PRKD2: variants seen among roughly 807,000 people sequenced by gnomAD.
PRKD2 encodes serine/threonine-protein kinase D2.
PRKD2 carries 22 observed loss-of-function variants against 86.0 expected under a neutral mutation model. The ratio of observed to expected loss-of-function variants is 0.26; its 90% CI spans 0.18 to 0.37. The LOEUF is 0.37. Among genes scored for constraint, PRKD2 ranks in the 10% least tolerant of loss-of-function variants. The pLI is 1.00. For missense variants in PRKD2, 818 were observed against 1,199.2 expected, an observed-to-expected ratio of 0.68 and a Z score of 4.70; for synonymous variants, 509 against 510.9, an observed-to-expected ratio of 1.00 and a Z score of 0.05.
At chr19:46,696,451 A>G (rs2122699546) in intron 9 of PRKD2, among the ~76,000 whole-genome samples, 1 of 152,216 alleles carries the variant, frequency 6.6e-6, no homozygotes, top group South Asian at 2.1e-4. Context: ...CACACAATGC[A>G]ATACATTAAT....
At chr19:46,715,984 G>A in intron 1 of PRKD2, 147 bp downstream of exon 1, 1 of 1,311,732 alleles carries the variant, frequency 7.6e-7, no homozygotes, top group Non-Finnish European at 1.0e-6. Flanking sequence ...GAGGGGCAAT[G>A]GAGGGGGGCA....
chr19:46,705,875 G>T (rs1027606700), intron 3 of PRKD2, among the ~76,000 whole-genome samples: 2 of 151,390 alleles, frequency 1.3e-5, no homozygotes, highest in Non-Finnish European at 2.9e-5. Context: ...ATTTTATTTT[G>T]TAGAGACAGG....
intron 3 of PRKD2, among the ~76,000 whole-genome samples, chr19:46,709,045 C>T (rs574877557): frequency 8.2e-5 from 12 of 146,700 alleles, no homozygotes; most frequent in South Asian, 4.4e-4. Context: ...GGCACGATCT[C>T]GGCTCACTGC....
At position 46,678,807 on chromosome 19, in the gene PRKD2, C is replaced by T. The variant is rs746289923; in HGVS notation, c.2071-144G>A. 57 of 991,300 alleles carry T rather than the reference C, an allele frequency of 5.8e-5. No homozygotes were observed. The highest frequency in any genetic ancestry group is 6.7e-5 in the Non-Finnish European group (46 of 691,596). The allele number at this position is 991,300 out of a possible 1,614,324, so 61.4% of individuals were successfully genotyped here. A position where few individuals can be genotyped will look rare whatever the true frequency, so the allele number is the denominator to read the frequency against. On this transcript the variant is annotated intron_variant, in intron 15 of 17. Transcript: ENST00000291281. The surrounding 1 kb of genome is among the most constrained non-coding windows in gnomAD (Gnocchi z 5.7). ...GCTCCTTGGCTCACTAGCTGAGCAA[C>T]CCTGGGCAGGTGACTTCCCCCCTCT...
At position 46,710,953 on chromosome 19, in the gene PRKD2, G is replaced by A. The variant is rs1400562896; in HGVS notation, c.465C>T (p.Cys155=). 2.6e-6 allele frequency: 4 copies of A among 1,515,456 alleles called. No homozygotes were observed. Among genetic ancestry groups the A allele is most frequent in the South Asian group, 1.2e-5 (1 of 85,052 alleles). 93.9% of individuals were successfully genotyped at this position (1,515,456 alleles called of 1,614,324 possible). Residue 155 remains cysteine (C), a synonymous_variant, in exon 3 of 18, where the codon TGC becomes TGT. Transcript: ENST00000291281. ...SYRAPAFCDH[C]GEMLFGLVRQ... The stretch of plus-strand genomic sequence containing the variant: ...GCACTAGGCCGAAGAGCATCTCCCC[G>A]CAGTGATCACAGAAGGCAGGCGCCC...
At chr19:46,697,600 G>C in intron 8 of PRKD2, 133 bp downstream of exon 8, 1 of 765,778 alleles carries the variant, frequency 1.3e-6, no homozygotes, top group Non-Finnish European at 2.1e-6. Context: ...CCCGCCTCCA[G>C]CACGGCCCAG....
In PRKD2 at chr19:46,699,213, C is replaced by T. The variant is rs564370181; in HGVS notation, c.1122-1363G>A. 3.3e-5 allele frequency among the ~76,000 whole-genome samples: 5 copies of T among 152,270 alleles called. 1 individual carries two copies. The South Asian group carries it at 1.0e-3, about 32-fold the overall frequency. ...GGAAGCCTTTTCCCCCAGAGCCCCA[C>T]AAGGCTCCTTCCCTCCCCTCCCTTC... On this transcript the variant is annotated intron_variant, in intron 7 of 17. Transcript: ENST00000291281.
chr19:46,684,660 A>G (rs1568717457), intron 14 of PRKD2, among the ~76,000 whole-genome samples: 1 of 152,110 alleles, frequency 6.6e-6, no homozygotes, highest in African/African-American at 2.4e-5. Context: ...CTCCCAGTTC[A>G]TGTGAACAAA....
rs60631103 is a variant in PRKD2, at chr19:46,688,448, T to TATTATTA, written c.1971+1088_1971+1089insTAATAAT. On this transcript the variant is annotated intron_variant, in intron 14 of 17. Transcript: ENST00000291281. ...TATTATTATTATTATTATTATTTTTTTTTTTGAGACGAAGTTTCACTCTTG... is the reference window on the plus strand; with the variant it reads ...TATTATTATTATTATTATTATTTTTTATTATTATTTTTGAGACGAAGTTTCACTCTTG... 6.3e-4 allele frequency among the ~76,000 whole-genome samples: 95 copies of TATTATTA among 150,724 alleles called. 2 individuals carry two copies. The highest frequency in any genetic ancestry group is 1.7e-3 in the African/African-American group (71 of 41,054).
intron 5 of PRKD2, among the ~76,000 whole-genome samples, 176 bp downstream of exon 5, chr19:46,703,993 A>ACACACACACACAC (rs1568732338): frequency 3.8e-4 from 57 of 149,488 alleles, no homozygotes; most frequent in South Asian, 1.1e-3. Context: ...ACACACACAC[A>ACACACACACACAC]ACTGAGGTTC....
chr19:46,701,411 A>C (rs1264604621), intron 5 of PRKD2, among the ~76,000 whole-genome samples: 3 of 151,876 alleles, frequency 2.0e-5, no homozygotes, highest in Non-Finnish European at 4.4e-5. Context: ...ATTTGAGGTC[A>C]GGAGTTCGAA....
In PRKD2 at chr19:46,703,755, G is replaced by A. The variant is rs187053904; in HGVS notation, c.889+414C>T. Among the ~76,000 whole-genome samples, 1,036 of 149,956 alleles carry A rather than the reference G, an allele frequency of 6.9e-3. 5 individuals are homozygous for A. Among genetic ancestry groups the A allele is most frequent in the Non-Finnish European group, 9.3e-3 (627 of 67,508 alleles). On this transcript the variant is annotated intron_variant, in intron 5 of 17. Coordinates refer to ENST00000291281, the MANE Select transcript of PRKD2 (RefSeq NM_016457.5). ...CCACTGCACTCCAGCCTGGGCGACA[G>A]AGTGAGACTCCGTCTCAAAAAAAAA...
intron 1 of PRKD2, chr19:46,714,330 C>T (rs62134788): frequency 0.22 from 238,806 of 1,084,534 alleles, 28,105 homozygotes; most frequent in Non-Finnish European, 0.24. Flanking sequence ...TGAACACTCC[C>T]TCCCCTGTGC....
chr19:46,702,141 C>T (rs557699639), intron 5 of PRKD2, among the ~76,000 whole-genome samples: 90 of 151,148 alleles, frequency 6.0e-4, no homozygotes, highest in Non-Finnish European at 1.1e-3. Context: ...CAGGCTCAAG[C>T]GATCTTCCCA....
intron 14 of PRKD2, among the ~76,000 whole-genome samples, chr19:46,688,421 T>TTTA (rs1272700570): frequency 4.0e-5 from 6 of 148,300 alleles, no homozygotes; most frequent in South Asian, 2.1e-4. Flanking sequence ...ATGATTACTC[T>TTTA]TTATTATTAT....
Position 46,701,119 on chromosome 19 carries a change from G to A in PRKD2, c.890-7C>T, listed in dbSNP as rs760235878. The stretch of plus-strand genomic sequence containing the variant: ...TGACAGTTAAACTTGCAGTCTGGTA[G>A]GACAGGGAACAAGGGAACGGGTGAG... On this transcript the variant is annotated splice_polypyrimidine_tract_variant and splice_region_variant and intron_variant, in intron 5 of 17. Coordinates refer to ENST00000291281, the MANE Select transcript of PRKD2 (RefSeq NM_016457.5). The A allele has an allele frequency of 6.2e-7, 1 of 1,613,866 alleles. No homozygotes were observed. The highest frequency in any genetic ancestry group is 2.2e-5 in the East Asian group (1 of 44,862).
rs150879573 is a variant in PRKD2, at chr19:46,704,377, G to A, written c.681C>T (p.Thr227=). The A allele has an allele frequency of 7.8e-5, 126 of 1,614,014 alleles. No individual in the cohort carries two copies. The highest frequency in any genetic ancestry group is 1.0e-4 in the Non-Finnish European group (122 of 1,180,014). Residue 227 remains threonine (T), a synonymous_variant, in exon 5 of 18, where the codon ACC becomes ACT. Transcript: ENST00000291281. ...ACGGGGGACGGCGAGGCAGGAGTTC[G>A]GTGGTGCTACGGCTCTGTCGTTGGC... The part of the protein sequence containing the change: ...CTAEELSRST[T]ELLPRRPPSS...
chr19:46,697,291 T>G, intron 8 of PRKD2, 57 bp from the exon 9 acceptor site: 1 of 1,354,926 alleles, frequency 7.4e-7, no homozygotes, highest in South Asian at 1.3e-5. Context: ...CCAGTCCCTA[T>G]CCCGTGGAGC....
At position 46,716,435 on chromosome 19, in the gene PRKD2, C is replaced by T; in HGVS notation, c.-65G>A. The T allele has an allele frequency of 9.7e-7, 1 of 1,029,698 alleles. No individual in the cohort carries two copies. The allele number at this position is 1,029,698 out of a possible 1,614,324, so 63.8% of individuals were successfully genotyped here. A position where few individuals can be genotyped will look rare whatever the true frequency, so the allele number is the denominator to read the frequency against. On this transcript the variant is annotated 5_prime_UTR_variant, in exon 1 of 18. Transcript: ENST00000291281. This position sits in a 1 kb window ranked among gnomAD's most constrained non-coding sequence, Gnocchi z 7.9. ...GACCCGGCCGGGGGGCCCCGGGGGA[C>T]CCTGGGTTCTAGATCCGCGGGATCT...
Sources: allele counts gnomAD v4.1 joint callset (sites outside exome capture counted in the v4.1 genomes callset), GRCh38; gene constraint gnomAD v4.1.1; non-coding constraint Gnocchi (gnomAD v3.1); transcripts MANE v1.5; gene names NCBI Gene and HGNC (gene_info 2026-07-23, HGNC 2026-07-21).